Variants in LRRC28 observed in about 807,000 individuals in gnomAD.
LRRC28 encodes the protein leucine-rich repeat-containing protein 28.
A neutral mutation model predicts 45.7 loss-of-function variants in LRRC28; 39 were observed. The ratio of observed to expected loss-of-function variants is 0.85; its 90% CI spans 0.66 to 1.12. The LOEUF (loss-of-function observed/expected upper bound fraction) is 1.12, where lower values mean the gene tolerates loss of function less well. Among genes scored for constraint, LRRC28 ranks in the 50% most tolerant of loss-of-function variants. LRRC28 has a pLI of 0.00. For synonymous variants in LRRC28, 206 were observed against 178.8 expected, an observed-to-expected ratio of 1.15 and a Z score of -1.22; for missense variants, 435 against 438.5, an observed-to-expected ratio of 0.99 and a Z score of 0.07.
intron 6 of LRRC28, among the ~76,000 whole-genome samples, chr15:99,351,753 C>A (rs533412773): frequency 2.0e-5 from 3 of 152,178 alleles, no homozygotes; most frequent in Non-Finnish European, 4.4e-5. Context: ...CTTGTTAAAG[C>A]ATAGTAAGGA....
At chr15:99,274,612 T>G (rs2081568267) in intron 2 of LRRC28, among the ~76,000 whole-genome samples, 1 of 152,222 alleles carries the variant, frequency 6.6e-6, no homozygotes, top group Non-Finnish European at 1.5e-5. Flanking sequence ...AAAAGACACA[T>G]GCTTATTTTT....
intron 6 of LRRC28, among the ~76,000 whole-genome samples, chr15:99,338,813 A>C (rs1956411534): frequency 1.3e-5 from 2 of 152,258 alleles, no homozygotes; most frequent in African/African-American, 4.8e-5. Flanking sequence ...GTCTTTGAGT[A>C]TGTTTCCCTA....
chr15:99,361,698 T>C lies in LRRC28; in HGVS notation c.871+187T>C, dbSNP rs142860294. Among the ~76,000 whole-genome samples, 875 of 152,338 alleles carry C rather than the reference T, an allele frequency of 5.7e-3. 8 individuals are homozygous for C. Among genetic ancestry groups the C allele is most frequent in the African/African-American group, 0.02 (817 of 41,572 alleles). ...GGCATTAAGTCCATTCACATTGTTG[T>C]GCAACAGGATTTTTCTAATAAGAAA... On this transcript the variant is annotated intron_variant, in intron 8 of 9. Transcript: ENST00000301981.
intron 9 of LRRC28, among the ~76,000 whole-genome samples, chr15:99,381,108 A>G (rs966350044): frequency 1.3e-5 from 2 of 152,120 alleles, no homozygotes; most frequent in Non-Finnish European, 2.9e-5. Context: ...TTTCTCCTGG[A>G]TAATATCCTG....
chr15:99,385,690 A>G (rs557716175), intron 9 of LRRC28, among the ~76,000 whole-genome samples: 12 of 150,740 alleles, frequency 8.0e-5, no homozygotes, highest in Non-Finnish European at 1.8e-4. Flanking sequence ...CAATTCTGTG[A>G]TTGCGTTGTT....
chr15:99,319,236 T>A (rs572041225), intron 5 of LRRC28, among the ~76,000 whole-genome samples: 1 of 152,240 alleles, frequency 6.6e-6, no homozygotes, highest in South Asian at 2.1e-4. Context: ...AAAACTCCAT[T>A]GTGCTAACTC....
chr15:99,378,250 G>A (rs1002207803), intron 9 of LRRC28, among the ~76,000 whole-genome samples: 13 of 152,096 alleles, frequency 8.5e-5, no homozygotes, highest in African/African-American at 3.1e-4. Context: ...CCTTGAAGAG[G>A]TTCTTCACAT....
rs141656342 is a variant in LRRC28, at chr15:99,260,231, A to G, written c.168+4106A>G. ...AATGTAAATTTGTACTATTTAACTG[A>G]CTATTCTTGATGTAAAATCTTGTCA... On this transcript the variant is annotated intron_variant, in intron 2 of 9. Transcript: ENST00000301981. 7.3e-3 allele frequency among the ~76,000 whole-genome samples: 1,112 copies of G among 152,230 alleles called. 17 individuals carry two copies. Among genetic ancestry groups the G allele is most frequent in the African/African-American group, 0.025 (1,041 of 41,524 alleles).
rs566101938 is a variant in LRRC28, at chr15:99,369,419, T to C, written c.1031+6154T>C. ...GATTTTAAGAAATTGGCTCACACAA[T>C]TGCAAAGGCTGGCGCGTTCAGAACT... On this transcript the variant is annotated intron_variant, in intron 9 of 9. Coordinates refer to ENST00000301981, the MANE Select transcript of LRRC28 (RefSeq NM_144598.5). Among the ~76,000 whole-genome samples the C allele has an allele frequency of 2.0e-5, 3 of 152,274 alleles. 1 individual carries two copies. The South Asian group carries it at 6.2e-4, about 32-fold the overall frequency.
At chr15:99,377,779 G>A (rs573799962) in intron 9 of LRRC28, among the ~76,000 whole-genome samples, 5 of 152,138 alleles carry the variant, frequency 3.3e-5, no homozygotes, top group African/African-American at 1.2e-4. Context: ...AGTTTTCCCA[G>A]CACCATTTAT....
intron 2 of LRRC28, among the ~76,000 whole-genome samples, chr15:99,261,107 G>A (rs1289896047): frequency 6.6e-6 from 1 of 152,124 alleles, no homozygotes; most frequent in Admixed American, 6.5e-5. Context: ...CCGTGTAGTG[G>A]CTTGTATTTG....
intron 5 of LRRC28, among the ~76,000 whole-genome samples, chr15:99,300,428 T>G (rs2082367357): frequency 6.6e-6 from 1 of 152,128 alleles, no homozygotes; most frequent in Admixed American, 6.5e-5. Flanking sequence ...ATTAAAATAT[T>G]CAATTGAGTA....
intron 7 of LRRC28, among the ~76,000 whole-genome samples, chr15:99,355,985 G>A (rs1265482052): frequency 6.6e-6 from 1 of 152,218 alleles, no homozygotes; most frequent in African/African-American, 2.4e-5. Flanking sequence ...CAGTGGAGCA[G>A]GACCAAAGTG....
At chr15:99,323,607 A>G (rs1215479574) in intron 5 of LRRC28, among the ~76,000 whole-genome samples, 1 of 152,220 alleles carries the variant, frequency 6.6e-6, no homozygotes, top group Non-Finnish European at 1.5e-5. Flanking sequence ...ATCTCCCAAT[A>G]AAGAGCCCTT....
chr15:99,317,678 A>G (rs1051842733), intron 5 of LRRC28: 1 of 152,116 alleles, frequency 6.6e-6, no homozygotes, highest in African/African-American at 2.4e-5. Context: ...ATATTTTGCT[A>G]ATCTGCCAGT....
intron 5 of LRRC28, among the ~76,000 whole-genome samples, chr15:99,321,360 C>T (rs1163305351): frequency 6.6e-6 from 1 of 152,138 alleles, no homozygotes; most frequent in Non-Finnish European, 1.5e-5. Context: ...ACATTTATTT[C>T]TGTAAAACTG....
chr15:99,335,691 C>G (rs746255277), intron 6 of LRRC28, among the ~76,000 whole-genome samples: 24 of 151,970 alleles, frequency 1.6e-4, no homozygotes, highest in Admixed American at 3.3e-4. Flanking sequence ...TTACCCCCCT[C>G]ACATTCACCC....
At chr15:99,290,070 T>C (rs536621541) in intron 5 of LRRC28, among the ~76,000 whole-genome samples, 126 of 151,188 alleles carry the variant, frequency 8.3e-4, no homozygotes, top group Middle Eastern at 3.4e-3. Context: ...CCAGCCTGGC[T>C]AACATGGTGA....
intron 5 of LRRC28, among the ~76,000 whole-genome samples, chr15:99,303,272 A>T (rs946642092): frequency 3.9e-5 from 6 of 152,260 alleles, no homozygotes; most frequent in African/African-American, 1.4e-4. Flanking sequence ...TCTATTTGCC[A>T]TCTCTTTGGC....
Sources: gnomAD v4.1 joint callset for allele counts (sites outside exome capture counted in the v4.1 genomes callset) on GRCh38, gnomAD v4.1.1 for gene constraint, MANE v1.5 for transcripts, NCBI Gene and HGNC (gene_info 2026-07-23, HGNC 2026-07-21) for gene names.